Variants in PCBP3 observed in about 807,000 individuals in gnomAD.
PCBP3 encodes the protein poly(rC) binding protein 3.
A neutral mutation model predicts 52.7 loss-of-function variants in PCBP3; 25 were observed. That is an observed-to-expected ratio of 0.47 (90% CI 0.35 to 0.66). The LOEUF (loss-of-function observed/expected upper bound fraction) is 0.66. PCBP3 is among the 30% of genes least tolerant of loss of function. The pLI is 0.01. For missense variants in PCBP3, 391 were observed against 490.3 expected, an observed-to-expected ratio of 0.80 and a Z score of 1.91; for synonymous variants, 162 against 183.0, an observed-to-expected ratio of 0.89 and a Z score of 0.93.
In PCBP3 at chr21:45,858,168, G is replaced by C. The variant is rs541629915; in HGVS notation, c.10+8073G>C. ...CTCAGAGGTTTATTTTGCCAAGGTT[G>C]AGGACTCGCCAGGGAGAGAGACAGA... On this transcript the variant is annotated intron_variant, in intron 5 of 17. Coordinates refer to ENST00000681687, the MANE Select transcript of PCBP3 (RefSeq NM_001384156.1). Among the ~76,000 whole-genome samples the C allele has an allele frequency of 3.3e-5, 5 of 152,366 alleles. No homozygotes were observed. The South Asian group carries it at 8.3e-4, about 25-fold the overall frequency.
chr21:45,684,399 G>A (rs1603256129), intron 2 of PCBP3, among the ~76,000 whole-genome samples: 1 of 152,276 alleles, frequency 6.6e-6, no homozygotes, highest in East Asian at 1.9e-4. Flanking sequence ...GCTTGATATA[G>A]TGTGGATATT....
chr21:45,854,930 T>C (rs564161638), intron 5 of PCBP3, among the ~76,000 whole-genome samples: 11 of 152,314 alleles, frequency 7.2e-5, no homozygotes, highest in African/African-American at 2.2e-4. Flanking sequence ...ACTTACGATC[T>C]CTCCTGCCTG....
At chr21:45,895,272 C>T (rs57179897) in intron 5 of PCBP3, among the ~76,000 whole-genome samples, 19,366 of 152,166 alleles carry the variant, frequency 0.13, 1,751 homozygotes, top group African/African-American at 0.26. Flanking sequence ...AACCCATAGC[C>T]GCCTCTTCTG....
intron 4 of PCBP3, chr21:45,761,137 A>G (rs1168558048): frequency 6.6e-6 from 1 of 151,596 alleles, no homozygotes; most frequent in East Asian, 1.9e-4. Flanking sequence ...GTCTTTTAGC[A>G]CAGTGTTGCC....
intron 5 of PCBP3, chr21:45,871,113 C>A: frequency 5.4e-6 from 1 of 184,154 alleles, no homozygotes; most frequent in Non-Finnish European, 1.1e-5. Flanking sequence ...GATGGGAACC[C>A]CCCAGGGAAG....
intron 9 of PCBP3, among the ~76,000 whole-genome samples, chr21:45,905,262 G>A (rs1237162286): frequency 6.6e-6 from 1 of 152,186 alleles, no homozygotes. Flanking sequence ...ATCTCCGTCT[G>A]CACTGGCCTC....
rs542219278 is a variant in PCBP3 at position 45,853,543 on chromosome 21, A to G, written c.10+3448A>G. 1.5e-4 allele frequency among the ~76,000 whole-genome samples: 23 copies of G among 152,322 alleles called. No homozygotes were observed. The highest frequency in any genetic ancestry group is 4.3e-4 in the African/African-American group (18 of 41,572). On this transcript the variant is annotated intron_variant, in intron 5 of 17. Transcript: ENST00000681687. The surrounding 1 kb of genome is among the most constrained non-coding windows in gnomAD (Gnocchi z 4.6). ...AGCGACAGAATTTTCTGGGGTTTCAATACCCTCTGCAGGTTTCCATTGGTT... is the reference window on the plus strand; with the variant it reads ...AGCGACAGAATTTTCTGGGGTTTCAGTACCCTCTGCAGGTTTCCATTGGTT...
intron 1 of PCBP3, among the ~76,000 whole-genome samples, chr21:45,647,473 G>A (rs555373044): frequency 1.3e-5 from 2 of 152,320 alleles, no homozygotes; most frequent in South Asian, 2.1e-4. Flanking sequence ...CCAGGCAAAC[G>A]TGTTGAGGGG....
At chr21:45,653,407 T>C (rs1274575729) in intron 1 of PCBP3, among the ~76,000 whole-genome samples, 2 of 152,174 alleles carry the variant, frequency 1.3e-5, no homozygotes, top group African/African-American at 4.8e-5. Context: ...GAGACTGTGT[T>C]GTCAGGGCCA....
At position 45,821,271 on chromosome 21, in the gene PCBP3, C is replaced by T. The variant is rs188076236; in HGVS notation, c.-125-28690C>T. Among the ~76,000 whole-genome samples the T allele has an allele frequency of 3.5e-3, 539 of 152,178 alleles. 1 individual carries two copies. Among genetic ancestry groups the T allele is most frequent in the Admixed American group, 5.1e-3 (78 of 15,294 alleles). ...GCAGGGGCTCCAAGACCCTCAGGGT[C>T]GCCAGTGACTCCTGGGTCACACTGG... On this transcript the variant is annotated intron_variant, in intron 4 of 17. Coordinates refer to ENST00000681687, the MANE Select transcript of PCBP3 (RefSeq NM_001384156.1). The surrounding 1 kb of genome is among the most constrained non-coding windows in gnomAD (Gnocchi z 4.4).
intron 13 of PCBP3, among the ~76,000 whole-genome samples, chr21:45,920,914 C>CA (rs1569498754): frequency 1.3e-5 from 2 of 152,150 alleles, no homozygotes; most frequent in Admixed American, 6.5e-5. Flanking sequence ...GTCATAGCAG[C>CA]AGGAGTGGAC....
At position 45,737,589 on chromosome 21, in the gene PCBP3, G is replaced by A. The variant is rs575319659; in HGVS notation, c.-162+2160G>A. On this transcript the variant is annotated intron_variant, in intron 3 of 17. Transcript: ENST00000681687. This position sits in a 1 kb window ranked among gnomAD's most constrained non-coding sequence, Gnocchi z 4.9. ...AGCCCGACCATGCAAGCCATGCCCC[G>A]GCAGCCAGGCTGAGAGGCAGAGCAA... 9.2e-5 allele frequency among the ~76,000 whole-genome samples: 14 copies of A among 152,350 alleles called. No individual in the cohort carries two copies. Among genetic ancestry groups the A allele is most frequent in the Non-Finnish European group, 8.8e-5 (6 of 68,032 alleles).
At chr21:45,771,928 A>G (rs1235941756) in intron 4 of PCBP3, among the ~76,000 whole-genome samples, 2 of 152,254 alleles carry the variant, frequency 1.3e-5, no homozygotes, top group African/African-American at 4.8e-5. Context: ...GCATACAAAA[A>G]TCAATTGTAT....
At chr21:45,933,060 T>C (rs1301474501) in intron 15 of PCBP3, among the ~76,000 whole-genome samples, 1 of 151,952 alleles carries the variant, frequency 6.6e-6, no homozygotes, top group African/African-American at 2.4e-5. Context: ...CTGAGATGAA[T>C]GAACACATCG....
chr21:45,662,630 T>G (rs2080480518), intron 1 of PCBP3, among the ~76,000 whole-genome samples: 1 of 152,008 alleles, frequency 6.6e-6, no homozygotes, highest in Non-Finnish European at 1.5e-5. Flanking sequence ...AATCATTAGT[T>G]TGTAGTAATT....
intron 4 of PCBP3, among the ~76,000 whole-genome samples, chr21:45,772,994 A>G (rs978582470): frequency 9.2e-5 from 14 of 152,124 alleles, no homozygotes; most frequent in Non-Finnish European, 1.3e-4. Context: ...TCAGAAGAAT[A>G]ATTTGCAAAT....
chr21:45,710,660 T>C (rs2083774983), intron 2 of PCBP3, among the ~76,000 whole-genome samples: 1 of 152,228 alleles, frequency 6.6e-6, no homozygotes, highest in Non-Finnish European at 1.5e-5. Flanking sequence ...CTTCTTTTTT[T>C]CTCTGTCTTT....
intron 4 of PCBP3, among the ~76,000 whole-genome samples, chr21:45,806,387 C>T (rs534221256): frequency 3.9e-4 from 59 of 151,286 alleles, no homozygotes; most frequent in African/African-American, 1.4e-3. Flanking sequence ...GGGCCAAGTC[C>T]TCCTTTCTTC....
At chr21:45,869,016 A>G (rs2094885341) in intron 5 of PCBP3, among the ~76,000 whole-genome samples, 1 of 152,214 alleles carries the variant, frequency 6.6e-6, no homozygotes, top group Non-Finnish European at 1.5e-5. Flanking sequence ...TATGGATTTT[A>G]CCTGTGCGGT....
Sources: gnomAD v4.1 joint callset for allele counts (sites outside exome capture counted in the v4.1 genomes callset) on GRCh38, gnomAD v4.1.1 for gene constraint, Gnocchi (gnomAD v3.1) non-coding constraint, MANE v1.5 for transcripts, NCBI Gene and HGNC (gene_info 2026-07-23, HGNC 2026-07-21) for gene names.